Variants in SEC16A observed in about 807,000 individuals in gnomAD.
SEC16A encodes the protein SEC16 homolog A, endoplasmic reticulum export factor.
A neutral mutation model predicts 221.9 loss-of-function variants in SEC16A; 110 were observed. The ratio of observed to expected loss-of-function variants is 0.50; its 90% CI spans 0.42 to 0.58. The LOEUF is 0.58. SEC16A is among the 20% of genes least tolerant of loss of function. The pLI is 0.00. For missense variants in SEC16A, 3,165 were observed against 3,097.8 expected, an observed-to-expected ratio of 1.02 and a Z score of -0.52; for synonymous variants, 1,393 against 1,257.7, an observed-to-expected ratio of 1.11 and a Z score of -2.28.
At chr9:136,474,016 A>T (rs1416077005) in intron 3 of SEC16A, 33 bp downstream of exon 3, 1 of 1,560,074 alleles carries the variant, frequency 6.4e-7, no homozygotes, top group African/African-American at 1.4e-5. Context: ...GCACAGACAG[A>T]AAAGTGGGTT....
chr9:136,476,912 C>G lies in SEC16A; in HGVS notation c.704G>C (p.Gly235Ala). The G allele has an allele frequency of 6.2e-7, 1 of 1,611,808 alleles. No individual in the cohort carries two copies. The highest frequency in any genetic ancestry group is 8.5e-7 in the Non-Finnish European group (1 of 1,179,536). The change falls in exon 3 of 32, where the codon GGA (glycine) becomes GCA (alanine). Residue 235 changes from glycine (G) to alanine (A), a missense_variant. Transcript: ENST00000684901. ...SGQHRSPCPE[G>A]PVPSGVPCAT... ...ACAGGGCACCCCGCTGGGAACAGGTCCTTCAGGGCAGGGTGAACGATGTTG... is the reference window on the plus strand; with the variant it reads ...ACAGGGCACCCCGCTGGGAACAGGTGCTTCAGGGCAGGGTGAACGATGTTG...
chr9:136,450,560 G>A (rs1239055808), intron 23 of SEC16A, among the ~76,000 whole-genome samples: 1 of 152,134 alleles, frequency 6.6e-6, no homozygotes, highest in Non-Finnish European at 1.5e-5. Flanking sequence ...ACACGAGAAG[G>A]TGCCCAGCGT....
intron 4 of SEC16A, among the ~76,000 whole-genome samples, chr9:136,470,556 G>A (rs1016426784): frequency 6.6e-6 from 1 of 152,234 alleles, no homozygotes; most frequent in African/African-American, 2.4e-5. Context: ...GTGACACACA[G>A]TAGCTCAAAT....
At chr9:136,482,447 G>A (rs745840961) in intron 1 of SEC16A, among the ~76,000 whole-genome samples, 2 of 152,152 alleles carry the variant, frequency 1.3e-5, no homozygotes, top group Admixed American at 6.5e-5. Context: ...GGGGCGAGCC[G>A]GATCACACAC....
At position 136,474,848 on chromosome 9, in the gene SEC16A, T is replaced by G. The variant is rs1421399520; in HGVS notation, c.2768A>C (p.Asn923Thr). Reference sequence around the variant, plus strand: ...CTGGGATGGTGGTTGAACCAGCAAATTAGCAGGCTGATTAGAAACCATTTC... The same window carrying G: ...CTGGGATGGTGGTTGAACCAGCAAAGTAGCAGGCTGATTAGAAACCATTTC... ...ASEMVSNQPA[N>T]LLVQPPSQPV... The change falls in exon 3 of 32, where the codon AAT (asparagine) becomes ACT (threonine). Residue 923 changes from asparagine (N) to threonine (T), a missense_variant. This residue lies in a region of SEC16A where 2,030 missense variants were observed against 1,923.1 expected (regional missense o/e 1.06). Coordinates refer to ENST00000684901, the MANE Select transcript of SEC16A (RefSeq NM_014866.2). 1.2e-6 allele frequency: 2 copies of G among 1,613,700 alleles called. No individual in the cohort carries two copies.
At chr9:136,467,343 A>T (rs1041341029) in intron 5 of SEC16A, among the ~76,000 whole-genome samples, 1 of 152,246 alleles carries the variant, frequency 6.6e-6, no homozygotes, top group Admixed American at 6.5e-5. Flanking sequence ...AAAAGGTGCT[A>T]AAAGATTTCT....
chr9:136,469,861 C>T (rs766862069), intron 4 of SEC16A, among the ~76,000 whole-genome samples: 28 of 152,314 alleles, frequency 1.8e-4, no homozygotes, highest in Admixed American at 3.9e-4. Flanking sequence ...CCCACTTGTC[C>T]CCCTACATCC....
rs774973782 is a variant in SEC16A at position 136,474,080 on chromosome 9, G to A, written c.3536C>T (p.Pro1179Leu). Residue 1179 changes from proline (P) to leucine (L), a missense_variant, in exon 3 of 32, where the codon CCG becomes CTG. Physicochemically the swap from Pro to Leu is moderately conservative, Grantham distance 98 (BLOSUM62 -3). Coordinates refer to ENST00000684901, the MANE Select transcript of SEC16A (RefSeq NM_014866.2). ...ATAGAGGGAGGCTGCGCCAGGCTCC[G>A]GTGGGTACGGCAAAGAGTACTGAGG... ...YQPQYSLPYP[P>L]EPGAASLYYQ... The A allele has an allele frequency of 1.1e-5, 18 of 1,608,550 alleles. No individual in the cohort carries two copies. Among genetic ancestry groups the A allele is most frequent in the Admixed American group, 1.0e-4 (6 of 59,760 alleles).
At chr9:136,445,024 G>A in intron 30 of SEC16A, 28 bp downstream of exon 30, 2 of 1,591,798 alleles carry the variant, frequency 1.3e-6, no homozygotes, top group African/African-American at 2.7e-5. Context: ...CAGCTCTCAT[G>A]TTAGTGAGGA....
chr9:136,449,491 G>A (rs911038683), intron 23 of SEC16A, among the ~76,000 whole-genome samples: 2 of 152,228 alleles, frequency 1.3e-5, no homozygotes, highest in Admixed American at 1.3e-4. Flanking sequence ...CTCATGATCT[G>A]CTCGCCTCAG....
chr9:136,446,543 T>C (rs796101002), intron 28 of SEC16A, among the ~76,000 whole-genome samples: 12 of 152,324 alleles, frequency 7.9e-5, no homozygotes, highest in African/African-American at 2.9e-4. Flanking sequence ...TTTTTCCAAT[T>C]TTAAAAATTG....
chr9:136,463,068 C>G lies in SEC16A; in HGVS notation c.4712G>C (p.Gly1571Ala), dbSNP rs1474044409. Residue 1571 changes from glycine to alanine, a missense_variant, in exon 12 of 32, where the codon GGG becomes GCG. Gly to Ala is a moderately conservative substitution (Grantham distance 60, BLOSUM62 0). Coordinates refer to ENST00000684901, the MANE Select transcript of SEC16A (RefSeq NM_014866.2). ...CAGGTTTGCTTCATTGGGCGACTTC[C>G]CAGGAAGCCACACTGTTCTGTGGTC... is the stretch of plus-strand genomic sequence containing the variant. ...LRDHRTVWLPGKSPNEANLID... is the reference protein window; with the variant it reads ...LRDHRTVWLPAKSPNEANLID... 4 of 1,612,604 alleles carry G rather than the reference C, an allele frequency of 2.5e-6. No homozygotes were observed. In the South Asian group the frequency reaches 4.4e-5, roughly 18 times the overall value.
upstream of SEC16A, chr9:136,483,098 G>GCGCCC (rs1842625245): frequency 1.1e-6 from 1 of 875,804 alleles, no homozygotes; most frequent in South Asian, 5.2e-5. Context: ...ACATCAGCGC[G>GCGCCC]CGCCCCGCCC....
chr9:136,470,393 G>GGAACA (rs1388428355), intron 4 of SEC16A, among the ~76,000 whole-genome samples: 10 of 152,192 alleles, frequency 6.6e-5, no homozygotes, highest in African/African-American at 2.2e-4. Flanking sequence ...GAAGGAAAAC[G>GGAACA]GAACAGTGAG....
At chr9:136,472,723 A>G (rs1841043739) in intron 3 of SEC16A, among the ~76,000 whole-genome samples, 1 of 152,244 alleles carries the variant, frequency 6.6e-6, no homozygotes, top group South Asian at 2.1e-4. Flanking sequence ...ATCTGAAGAC[A>G]TGCAGTGCCC....
At chr9:136,483,627 A>G, upstream of SEC16A, 1 of 985,248 alleles carries the variant, frequency 1.0e-6, no homozygotes, top group Non-Finnish European at 1.2e-6. Context: ...ATGTGAGAAG[A>G]GATGGGATTC....
In SEC16A at chr9:136,474,962, AAAG is replaced by A; in HGVS notation, c.2651_2653del (p.Ser884del). The A allele has an allele frequency of 6.2e-7, 1 of 1,613,796 alleles. No homozygotes were observed. Among genetic ancestry groups the A allele is most frequent in the East Asian group, 2.2e-5 (1 of 44,884 alleles). On this transcript the variant is annotated inframe_deletion, in exon 3 of 32. Transcript: ENST00000684901. ...GACAGAGCTGGTTGGAATCCCAGAC[AAAG>A]AAGTGTTCTCCCCAGAATCACCACC...
chr9:136,462,128 A>G (rs1839566672), intron 12 of SEC16A, among the ~76,000 whole-genome samples: 1 of 152,152 alleles, frequency 6.6e-6, no homozygotes, highest in Non-Finnish European at 1.5e-5. Context: ...AAATAAAAAA[A>G]TAAAAATACT....
In SEC16A at chr9:136,476,773, G is replaced by A. The variant is rs367604342; in HGVS notation, c.843C>T (p.Asp281=). The A allele has an allele frequency of 2.9e-4, 470 of 1,611,196 alleles. 1 individual carries two copies. Among genetic ancestry groups the A allele is most frequent in the Admixed American group, 3.7e-4 (22 of 59,858 alleles). ...PPAALPSDGR[D]EVSHLQSGSH... is the part of the protein sequence containing the mutation. ...TTCCACTTTGCAAGTGGCTCACCTC[G>A]TCTCTTCCGTCACTGGGCAAGGCTG... Residue 281 remains aspartate, a synonymous_variant, in exon 3 of 32, where the codon GAC becomes GAT. Coordinates refer to ENST00000684901, the MANE Select transcript of SEC16A (RefSeq NM_014866.2).
Sources: gnomAD v4.1 joint callset for allele counts (sites outside exome capture counted in the v4.1 genomes callset) on GRCh38, gnomAD v4.1.1 for gene constraint, gnomAD v4.1.1 regional missense constraint, MANE v1.5 for transcripts, NCBI Gene and HGNC (gene_info 2026-07-23, HGNC 2026-07-21) for gene names.